The following ANO7 variants were observed in gnomAD, a reference collection of about 807,000 sequenced individuals.
ANO7 encodes the protein anoctamin 7.
ANO7 carries 114 observed loss-of-function variants against 115.8 expected under a neutral mutation model. That is an observed-to-expected ratio of 0.98 (90% CI 0.85 to 1.15). The LOEUF (loss-of-function observed/expected upper bound fraction) is 1.15. Ranked by LOEUF, ANO7 falls within the 50% of genes most tolerant of loss-of-function variation. The probability of loss-of-function intolerance (pLI) is 0.00; values close to 1 mark genes in which losing one functional copy is unlikely to be tolerated. For synonymous variants in ANO7, 550 were observed against 498.2 expected, an observed-to-expected ratio of 1.10 and a Z score of -1.38; for missense variants, 1,302 against 1,201.2, an observed-to-expected ratio of 1.08 and a Z score of -1.24.
the ANO7 span, chr2:241,238,801 C>A: frequency 2.7e-6 from 4 of 1,470,182 alleles, no homozygotes; most frequent in Admixed American, 2.3e-5. This position sits in a 1 kb window ranked among gnomAD's most constrained non-coding sequence, Gnocchi z 4.9. Flanking sequence ...GAGGGAGGTA[C>A]ACAAAGAAAA....
intron 11 of ANO7, among the ~76,000 whole-genome samples, 190 bp from the exon 12 acceptor site, chr2:241,209,095 G>A (rs2068657996): frequency 6.6e-6 from 1 of 152,250 alleles, no homozygotes; most frequent in Admixed American, 6.5e-5. Flanking sequence ...CGTGCAGTGA[G>A]CCGAGATCGC....
At chr2:241,229,913 G>C (rs1287334000), downstream of ANO7, 2 of 1,601,404 alleles carry the variant, frequency 1.2e-6, no homozygotes, top group South Asian at 1.1e-5. Flanking sequence ...TCGTGTGCTG[G>C]GGGTTTCATG....
chr2:241,211,697 G>C (rs1341228048), intron 15 of ANO7, among the ~76,000 whole-genome samples: 2 of 152,102 alleles, frequency 1.3e-5, no homozygotes, highest in African/African-American at 4.8e-5. Flanking sequence ...CAACTGTGGG[G>C]TTGCTGTGGG....
chr2:241,195,862 A>G lies in ANO7; in HGVS notation c.309+17A>G. On this transcript the variant is annotated intron_variant, in intron 4 of 24. Transcript: ENST00000674324. Reference sequence around the variant, plus strand: ...GTAGACCAGGTACGTGGAGGCTGTCATGGGCAGGGCCCTAGGCCCTGCATC... The same window carrying G: ...GTAGACCAGGTACGTGGAGGCTGTCGTGGGCAGGGCCCTAGGCCCTGCATC... 3 of 1,613,500 alleles carry G rather than the reference A, an allele frequency of 1.9e-6. No individual in the cohort carries two copies. In the East Asian group the frequency reaches 6.7e-5, roughly 36 times the overall value.
At position 241,223,683 on chromosome 2, in the gene ANO7, CGCCTCCTGG is replaced by C; in HGVS notation, c.2435_2443del (p.Arg812_Asp815delinsHis). 1 of 1,613,478 alleles carries C rather than the reference CGCCTCCTGG, an allele frequency of 6.2e-7. No homozygotes were observed. Among genetic ancestry groups the C allele is most frequent in the African/African-American group, 1.3e-5 (1 of 75,020 alleles). ...CCAGCATGTGGTTTTCTCCGTTGGC[CGCCTCCTGG>C]ACCTCCTGGTGCCTGACATCCCAGA... On this transcript the variant is annotated inframe_deletion, in exon 23 of 25. Coordinates refer to ENST00000674324, the MANE Select transcript of ANO7 (RefSeq NM_001370694.2).
the ANO7 span, chr2:241,240,177 G>A: frequency 3.9e-6 from 6 of 1,553,100 alleles, no homozygotes; most frequent in Non-Finnish European, 5.3e-6. The surrounding 1 kb of genome is among the most constrained non-coding windows in gnomAD (Gnocchi z 5.5). Flanking sequence ...GGACCACAGT[G>A]AGGAAGACAA....
At chr2:241,236,755 G>A in the ANO7 span, 1 of 1,614,152 alleles carries the variant, frequency 6.2e-7, no homozygotes, top group Non-Finnish European at 8.5e-7. Context: ...TGGACAACTG[G>A]CTCTGTACTG....
chr2:241,220,661 G>T (rs1304632146), intron 21 of ANO7, among the ~76,000 whole-genome samples: 1 of 152,216 alleles, frequency 6.6e-6, no homozygotes, highest in African/African-American at 2.4e-5. Flanking sequence ...TTAGCTGGGC[G>T]TGGTGCTGGA....
chr2:241,236,243 C>T, the ANO7 span: 1 of 281,796 alleles, frequency 3.5e-6, no homozygotes, highest in Non-Finnish European at 6.8e-6. Context: ...ACTGACTGCA[C>T]ACAAGGTGAG....
At position 241,223,668 on chromosome 2, in the gene ANO7, GT is replaced by G. The variant is rs758515141; in HGVS notation, c.2423del (p.Phe808SerfsTer22). ...TGCCTTCCTCTGCTCCCAGCATGTG[GT>G]TTTCTCCGTTGGCCGCCTCCTGGAC... is the stretch of plus-strand genomic sequence containing the variant. ...LAFVIVFEHV[V>X]FSVGRLLDLL... On this transcript the variant is annotated frameshift_variant, in exon 23 of 25. Coordinates refer to ENST00000674324, the MANE Select transcript of ANO7 (RefSeq NM_001370694.2). LOFTEE classifies it high-confidence loss of function. 5 of 1,612,736 alleles carry G rather than the reference GT, an allele frequency of 3.1e-6. No homozygotes were observed. In the East Asian group the frequency reaches 1.1e-4, roughly 36 times the overall value.
the ANO7 span, chr2:241,235,202 C>A: frequency 5.6e-6 from 9 of 1,614,178 alleles, no homozygotes; most frequent in Admixed American, 1.3e-4. Context: ...CAGCGAGGCC[C>A]GTGATGGCGA....
intron 21 of ANO7, 140 bp from the exon 22 acceptor site, chr2:241,223,046 C>A: frequency 1.3e-6 from 1 of 751,038 alleles, no homozygotes; most frequent in Non-Finnish European, 2.3e-6. Flanking sequence ...ATTTCAGGCA[C>A]CCTCGATGAA....
At chr2:241,211,176 C>T (rs1352900804) in intron 15 of ANO7, among the ~76,000 whole-genome samples, 4 of 152,164 alleles carry the variant, frequency 2.6e-5, no homozygotes, top group Admixed American at 6.5e-5. Context: ...GTTCTCACCC[C>T]TCCACAGGGC....
chr2:241,202,273 G>A lies in ANO7; in HGVS notation c.692G>A (p.Gly231Asp). ...LLGIHQLLAE[G>D]VLSAAFPLHD... ...GGGATCCACCAGCTGCTGGCAGAGG[G>A]TGTCCTCAGTGCCGCCTTCCCCCTG... The change falls in exon 8 of 25, where the codon GGT (glycine) becomes GAT (aspartate). Residue 231 changes from glycine (G) to aspartate (D), a missense_variant. Physicochemically the swap from Gly to Asp is moderately conservative, Grantham distance 94. Transcript: ENST00000674324. 13 of 1,613,434 alleles carry A rather than the reference G, an allele frequency of 8.1e-6. No homozygotes were observed. Among genetic ancestry groups the A allele is most frequent in the Non-Finnish European group, 1.1e-5 (13 of 1,179,972 alleles).
intron 18 of ANO7, among the ~76,000 whole-genome samples, chr2:241,215,765 C>T (rs922706456): frequency 6.6e-6 from 1 of 152,244 alleles, no homozygotes; most frequent in African/African-American, 2.4e-5. Context: ...CGTCCACTCC[C>T]TCCCAACCTT....
the ANO7 span, chr2:241,233,678 G>A: frequency 1.2e-6 from 1 of 845,976 alleles, no homozygotes; most frequent in Non-Finnish European, 1.9e-6. The surrounding 1 kb of genome is among the most constrained non-coding windows in gnomAD (Gnocchi z 4.3). Context: ...CAAACCTCAA[G>A]CCAGAATTAG....
chr2:241,217,525 C>A (rs1405340211), intron 19 of ANO7, 161 bp from the exon 20 acceptor site: 6 of 800,788 alleles, frequency 7.5e-6, no homozygotes, highest in South Asian at 1.8e-5. Context: ...GCGGCCCTGG[C>A]GCTGCGCGGT....
At chr2:241,218,431 G>T (rs1286251548) in intron 21 of ANO7, 50 bp downstream of exon 21, 1 of 1,265,208 alleles carries the variant, frequency 7.9e-7, no homozygotes, top group Middle Eastern at 3.1e-4. Flanking sequence ...AGGACGAGGC[G>T]GAGCGGGGCT....
intron 17 of ANO7, chr2:241,212,909 G>A: frequency 4.6e-6 from 2 of 433,756 alleles, no homozygotes; most frequent in South Asian, 4.8e-5. Flanking sequence ...GAGGGAGGAG[G>A]ATCGCTTAAG....
Sources: allele counts gnomAD v4.1 joint callset (sites outside exome capture counted in the v4.1 genomes callset), GRCh38; gene constraint gnomAD v4.1.1; non-coding constraint Gnocchi (gnomAD v3.1); transcripts MANE v1.5; gene names NCBI Gene and HGNC (gene_info 2026-07-23, HGNC 2026-07-21).